Variants in XYLT1 observed in about 807,000 individuals in gnomAD.
XYLT1 encodes xylosyltransferase 1, also known as beta-D-xylosyltransferase 1.
Under a neutral mutation model 91.3 loss-of-function variants are expected in XYLT1, and 36 were observed. The ratio of observed to expected loss-of-function variants is 0.39; its 90% CI spans 0.30 to 0.52. The LOEUF (loss-of-function observed/expected upper bound fraction) is 0.52, where lower values mean the gene tolerates loss of function less well. Among genes scored for constraint, XYLT1 ranks in the 20% least tolerant of loss-of-function variants. The pLI is 0.68. For missense variants in XYLT1, 1,242 were observed against 1,284.5 expected (o/e 0.97, Z 0.51); for synonymous variants, 588 against 532.0 (o/e 1.11, Z -1.45).
intron 2 of XYLT1, among the ~76,000 whole-genome samples, chr16:17,300,456 T>TTTTTTTC (rs1308070506): frequency 4.1e-5 from 3 of 73,796 alleles, no homozygotes. Flanking sequence ...TTCTTTCTTT[T>TTTTTTTC]TTTTTTTTTT....
chr16:17,331,775 C>T (rs1251688554), intron 2 of XYLT1, among the ~76,000 whole-genome samples: 1 of 152,188 alleles, frequency 6.6e-6, no homozygotes, highest in Non-Finnish European at 1.5e-5. Context: ...GTCCACTTTT[C>T]CCCACCACAC....
chr16:17,176,973 C>T (rs1414767538), intron 5 of XYLT1, among the ~76,000 whole-genome samples: 2 of 152,106 alleles, frequency 1.3e-5, no homozygotes, highest in African/African-American at 4.8e-5. Context: ...GACTCCTTAA[C>T]CTGGCTCTAA....
chr16:17,282,297 G>A (rs189038696), intron 2 of XYLT1, among the ~76,000 whole-genome samples: 240 of 152,226 alleles, frequency 1.6e-3, no homozygotes, highest in Non-Finnish European at 2.7e-3. Flanking sequence ...CCAGTAAGTA[G>A]CCACGAACAA....
At chr16:17,169,766 A>G (rs1041475439) in intron 5 of XYLT1, among the ~76,000 whole-genome samples, 8 of 152,242 alleles carry the variant, frequency 5.3e-5, no homozygotes, top group Non-Finnish European at 1.2e-4. Context: ...CTCACATGCC[A>G]TGAGGCATCT....
chr16:17,280,885 G>A (rs1414821507), intron 2 of XYLT1, among the ~76,000 whole-genome samples: 1 of 152,108 alleles, frequency 6.6e-6, no homozygotes, highest in Non-Finnish European at 1.5e-5. Flanking sequence ...GTAACATGAT[G>A]CAGAAGGAAT....
intron 10 of XYLT1, among the ~76,000 whole-genome samples, chr16:17,118,292 A>ATGAATGAATGAATGAG (rs1567279861): frequency 6.6e-6 from 1 of 152,052 alleles, no homozygotes; most frequent in East Asian, 1.9e-4. Context: ...GAACGAATGA[A>ATGAATGAATGAATGAG]TGAATGAATG....
At chr16:17,330,584 C>T (rs975903796) in intron 2 of XYLT1, among the ~76,000 whole-genome samples, 2 of 151,306 alleles carry the variant, frequency 1.3e-5, no homozygotes, top group Non-Finnish European at 2.9e-5. Context: ...GTCAGGAGTT[C>T]GAGACCAGCC....
intron 2 of XYLT1, among the ~76,000 whole-genome samples, chr16:17,301,196 A>G (rs1329510160): frequency 6.6e-6 from 1 of 152,040 alleles, no homozygotes; most frequent in African/African-American, 2.4e-5. Context: ...GGATTAGTTG[A>G]GGTTGGGAGT....
At chr16:17,134,425 C>T in intron 9 of XYLT1, 48 bp downstream of exon 9, 3 of 1,603,454 alleles carry the variant, frequency 1.9e-6, no homozygotes, top group Non-Finnish European at 2.6e-6. Flanking sequence ...CCCTGAGCCT[C>T]CCCTCCTGCT....
At chr16:17,204,895 G>A (rs2032612093) in intron 3 of XYLT1, among the ~76,000 whole-genome samples, 1 of 150,390 alleles carries the variant, frequency 6.6e-6, no homozygotes, top group Admixed American at 6.6e-5. Flanking sequence ...AATGACATGT[G>A]GTCAGAGCTA....
At chr16:17,235,513 G>GC (rs1285331812) in intron 3 of XYLT1, among the ~76,000 whole-genome samples, 1 of 152,026 alleles carries the variant, frequency 6.6e-6, no homozygotes, top group African/African-American at 2.4e-5. Context: ...AACTCGAAGG[G>GC]CCCCGTCTCA....
Position 17,102,425 on chromosome 16 carries a change from A to C in XYLT1, c.*6270T>G, listed in dbSNP as rs533114087. The stretch of plus-strand genomic sequence containing the variant: ...ACCTGCAGTGTTTTTGGTATGATAC[A>C]GTATTTAATACATCCACTGTTTTCT... On this transcript the variant is annotated 3_prime_UTR_variant, in exon 12 of 12. Coordinates refer to ENST00000261381, the MANE Select transcript of XYLT1 (RefSeq NM_022166.4). The C allele has an allele frequency of 6.5e-6, 1 of 152,808 alleles. No individual in the cohort carries two copies. The highest frequency in any genetic ancestry group is 2.1e-4 in the South Asian group (1 of 4,832). The allele number at this position is 152,808 out of a possible 1,614,324, so 9.5% of individuals were successfully genotyped here.
chr16:17,289,434 T>C (rs1302076812), intron 2 of XYLT1, among the ~76,000 whole-genome samples: 1 of 152,198 alleles, frequency 6.6e-6, no homozygotes, highest in East Asian at 1.9e-4. Flanking sequence ...TGTTCTACCC[T>C]GAGACATGTG....
At chr16:17,386,367 G>A (rs1354403786) in intron 1 of XYLT1, among the ~76,000 whole-genome samples, 1 of 152,110 alleles carries the variant, frequency 6.6e-6, no homozygotes, top group Non-Finnish European at 1.5e-5. Context: ...AAGCTCAAAA[G>A]GAAAGAGCTG....
intron 1 of XYLT1, among the ~76,000 whole-genome samples, chr16:17,417,315 T>C (rs560592375): frequency 6.6e-6 from 1 of 152,324 alleles, no homozygotes; most frequent in Non-Finnish European, 1.5e-5. Flanking sequence ...CTGGTCTTCA[T>C]TATTTGGCTA....
chr16:17,250,949 T>C (rs2033528857), intron 3 of XYLT1: 1 of 152,260 alleles, frequency 6.6e-6, no homozygotes, highest in Non-Finnish European at 1.5e-5. Flanking sequence ...GAAAGTAGTA[T>C]CTCTGGCTGA....
At chr16:17,383,501 T>C (rs1438782362) in intron 1 of XYLT1, among the ~76,000 whole-genome samples, 6 of 151,902 alleles carry the variant, frequency 3.9e-5, no homozygotes, top group Non-Finnish European at 5.9e-5. Flanking sequence ...CCACTTGTTT[T>C]CCCAGAGCCA....
At chr16:17,406,728 C>G (rs1162714631) in intron 1 of XYLT1, among the ~76,000 whole-genome samples, 2 of 152,072 alleles carry the variant, frequency 1.3e-5, no homozygotes, top group African/African-American at 2.4e-5. Context: ...GACCACAACG[C>G]CCATTTAAAC....
chr16:17,221,395 G>C (rs1597202517), intron 3 of XYLT1, among the ~76,000 whole-genome samples: 1 of 152,202 alleles, frequency 6.6e-6, no homozygotes, highest in Middle Eastern at 3.4e-3. Context: ...AATTTTTCCA[G>C]TTCATCGTCT....
Sources: allele counts gnomAD v4.1 joint callset (sites outside exome capture counted in the v4.1 genomes callset), GRCh38; gene constraint gnomAD v4.1.1; transcripts MANE v1.5; gene names NCBI Gene and HGNC (gene_info 2026-07-23, HGNC 2026-07-21).